PLEKHA7: variants seen among roughly 807,000 people sequenced by gnomAD.
The protein encoded by PLEKHA7 is pleckstrin homology domain containing A7, also known as pleckstrin homology domain-containing family A member 7.
PLEKHA7 carries 104 observed loss-of-function variants against 170.0 expected under a neutral mutation model. The ratio of observed to expected loss-of-function variants is 0.61; its 90% CI spans 0.52 to 0.72. The LOEUF (loss-of-function observed/expected upper bound fraction) is 0.72, where lower values mean the gene tolerates loss of function less well. PLEKHA7 is among the 30% of genes least tolerant of loss of function. The pLI, the probability that PLEKHA7 is intolerant of heterozygous loss-of-function variation, is 0.00. For synonymous variants in PLEKHA7, 648 were observed against 660.8 expected (o/e 0.98, Z 0.30); for missense variants, 1,615 against 1,671.7 (o/e 0.97, Z 0.59).
chr11:16,845,787 G>T (rs1453272692), intron 8 of PLEKHA7, among the ~76,000 whole-genome samples: 1 of 152,198 alleles, frequency 6.6e-6, no homozygotes, highest in African/African-American at 2.4e-5. Context: ...GATGGGTCAG[G>T]AGGCTACTAC....
At chr11:16,786,418 C>G in intron 23 of PLEKHA7, 31 bp from the exon 24 acceptor site, 1 of 1,534,854 alleles carries the variant, frequency 6.5e-7, no homozygotes, top group Non-Finnish European at 8.7e-7. Context: ...TAAACGTAGT[C>G]GCTTCCTGAT....
chr11:16,970,102 A>G (rs1862618886), intron 3 of PLEKHA7, among the ~76,000 whole-genome samples: 1 of 152,240 alleles, frequency 6.6e-6, no homozygotes, highest in Non-Finnish European at 1.5e-5. Flanking sequence ...ATGTGGGGAC[A>G]GAGGACAGAC....
In PLEKHA7 at chr11:16,978,166, A is replaced by C. The variant is rs564076733; in HGVS notation, c.221+35823T>G. Among the ~76,000 whole-genome samples, 18 of 152,340 alleles carry C rather than the reference A, an allele frequency of 1.2e-4. No individual in the cohort carries two copies. In the South Asian group the frequency reaches 3.7e-3, roughly 32 times the overall value. On this transcript the variant is annotated intron_variant, in intron 3 of 26. Transcript: ENST00000531066. The stretch of plus-strand genomic sequence containing the variant: ...TCTTTGTTAACACAACTTTAGTTTA[A>C]AAGCCTCTTTATGGGCCAGACACAG...
At chr11:16,937,712 G>A (rs1014050557) in intron 3 of PLEKHA7, among the ~76,000 whole-genome samples, 4 of 151,870 alleles carry the variant, frequency 2.6e-5, no homozygotes, top group Non-Finnish European at 4.4e-5. Flanking sequence ...AGGTTCAAGC[G>A]AGTCTCCTGC....
At chr11:16,805,595 G>T (rs765728417) in intron 13 of PLEKHA7, among the ~76,000 whole-genome samples, 2 of 151,838 alleles carry the variant, frequency 1.3e-5, no homozygotes, top group Admixed American at 6.6e-5. Flanking sequence ...TTCAAGATCA[G>T]TCTGGCCAAC....
intron 3 of PLEKHA7, among the ~76,000 whole-genome samples, chr11:16,991,202 G>C (rs571459625): frequency 1.4e-4 from 22 of 152,094 alleles, no homozygotes; most frequent in Middle Eastern, 3.4e-3. Flanking sequence ...CAGCTGATTG[G>C]CTTCTCAGGC....
In PLEKHA7 at chr11:16,789,381, G is replaced by A. The variant is rs57906025; in HGVS notation, c.3157-85C>T. The A allele has an allele frequency of 3.3e-3, 4,277 of 1,308,554 alleles. 118 individuals are homozygous for A. The African/African-American group carries it at 0.054, about 17-fold the overall frequency. 81.1% of individuals were successfully genotyped at this position (1,308,554 alleles called of 1,614,324 possible). ...CAGCCACCCTGCTGGCTGCATTCCC[G>A]TTGTCTCTCTCTCACACACATGCAC... is the stretch of plus-strand genomic sequence containing the variant. On this transcript the variant is annotated intron_variant, in intron 22 of 26. Coordinates refer to ENST00000531066, the MANE Select transcript of PLEKHA7 (RefSeq NM_001329630.2). The surrounding 1 kb of genome is among the most constrained non-coding windows in gnomAD (Gnocchi z 4.6).
chr11:16,906,557 G>A (rs1390866749), intron 3 of PLEKHA7, among the ~76,000 whole-genome samples: 2 of 138,668 alleles, frequency 1.4e-5, no homozygotes, highest in South Asian at 2.4e-4. Context: ...TCCTAACCGC[G>A]AGTGATCTGC....
chr11:17,014,192 G>T lies in PLEKHA7; in HGVS notation c.96C>A (p.Leu32=), dbSNP rs761442827. The T allele has an allele frequency of 1.3e-6, 2 of 1,591,550 alleles. No individual in the cohort carries two copies. Among genetic ancestry groups the T allele is most frequent in the African/African-American group, 1.4e-5 (1 of 72,634 alleles). ...DGRVFFINDQ[L]RCTTWLHPRT... ...GCGGATGCAGCCAGGTCGTGCAGCG[G>T]AGCTGGTCACTGCGGGCAGAGAGGT... is the stretch of plus-strand genomic sequence containing the variant. Residue 32 remains leucine, a synonymous_variant, in exon 2 of 27, where the codon CTC becomes CTA. Coordinates refer to ENST00000531066, the MANE Select transcript of PLEKHA7 (RefSeq NM_001329630.2).
In PLEKHA7 at chr11:16,867,982, C is replaced by T. The variant is rs1854523102; in HGVS notation, c.305+3117G>A. 2.0e-5 allele frequency among the ~76,000 whole-genome samples: 3 copies of T among 152,186 alleles called. No individual in the cohort carries two copies. In the South Asian group the frequency reaches 6.2e-4, roughly 31 times the overall value. ...TTTACTTCCCAAGTACCTCCAGAAT[C>T]CACCCAGTGCTCCTCATTTTTCACT... On this transcript the variant is annotated intron_variant, in intron 4 of 26. Transcript: ENST00000531066.
Position 16,789,073 on chromosome 11 carries a change from C to T in PLEKHA7, c.3357+23G>A, listed in dbSNP as rs114270875. The T allele has an allele frequency of 5.7e-4, 907 of 1,595,528 alleles. 5 individuals carry two copies. The African/African-American group carries it at 0.01, about 18-fold the overall frequency. On this transcript the variant is annotated intron_variant, in intron 23 of 26. Transcript: ENST00000531066. The surrounding 1 kb of genome is among the most constrained non-coding windows in gnomAD (Gnocchi z 4.6). ...CACTCGGCTCCCTGTCCCTGCCCCG[C>T]TGCCTGGCCCCTCCTAACATACTGA...
At chr11:16,968,589 CA>C (rs1862518543) in intron 3 of PLEKHA7, among the ~76,000 whole-genome samples, 1 of 152,224 alleles carries the variant, frequency 6.6e-6, no homozygotes. Context: ...CATGCCTGCA[CA>C]CCCTCCTTGA....
intron 5 of PLEKHA7, 184 bp downstream of exon 5, chr11:16,855,619 C>G: frequency 1.7e-6 from 1 of 596,900 alleles, no homozygotes; most frequent in Non-Finnish European, 3.0e-6. Flanking sequence ...CAGCAATCAC[C>G]TGTTCTGCTG....
chr11:16,794,761 C>G, intron 18 of PLEKHA7, 47 bp from the exon 19 acceptor site: 1 of 1,589,422 alleles, frequency 6.3e-7, no homozygotes, highest in Admixed American at 1.7e-5. Flanking sequence ...ACAAAGACCC[C>G]CTTCCTTGGA....
intron 11 of PLEKHA7, 31 bp from the exon 12 acceptor site, chr11:16,816,295 G>T: frequency 6.4e-7 from 1 of 1,556,582 alleles, no homozygotes; most frequent in South Asian, 1.1e-5. Context: ...AGTCACACTG[G>T]AGCCCAAACC....
At chr11:16,905,464 A>G (rs1262339376) in intron 3 of PLEKHA7, among the ~76,000 whole-genome samples, 1 of 152,094 alleles carries the variant, frequency 6.6e-6, no homozygotes, top group Non-Finnish European at 1.5e-5. Context: ...ATGATAACCC[A>G]AACTGTATAT....
At chr11:16,870,805 A>C (rs973303922) in intron 4 of PLEKHA7, among the ~76,000 whole-genome samples, 1 of 152,192 alleles carries the variant, frequency 6.6e-6, no homozygotes, top group African/African-American at 2.4e-5. Flanking sequence ...CTAATGTGCC[A>C]GAAGATATAG....
intron 3 of PLEKHA7, among the ~76,000 whole-genome samples, chr11:16,997,330 T>C (rs10832713): frequency 0.61 from 92,552 of 152,048 alleles, 28,871 homozygotes; most frequent in East Asian, 0.96. Flanking sequence ...CAGGAAAGCA[T>C]TAGAGTGAGG....
chr11:16,841,584 G>A lies in PLEKHA7; in HGVS notation c.835C>T (p.Gln279Ter). 1 of 1,613,932 alleles carries A rather than the reference G, an allele frequency of 6.2e-7. No homozygotes were observed. Among genetic ancestry groups the A allele is most frequent in the South Asian group, 1.1e-5 (1 of 91,066 alleles). ...DMNAWVRAMN[Q>*]AAQVLSRSSL... ...GATCGAGACAGCACCTGTGCAGCCT[G>A]GTTCATGGCCCTGACCCAAGCGTTC... is the stretch of plus-strand genomic sequence containing the variant. The change falls in exon 9 of 27, where the codon CAG (glutamine) becomes TAG (stop). Residue 279 changes from glutamine to a stop codon, truncating the protein, a stop_gained. Coordinates refer to ENST00000531066, the MANE Select transcript of PLEKHA7 (RefSeq NM_001329630.2). LOFTEE classifies it high-confidence loss of function.
Sources: allele counts gnomAD v4.1 joint callset (sites outside exome capture counted in the v4.1 genomes callset), GRCh38; gene constraint gnomAD v4.1.1; non-coding constraint Gnocchi (gnomAD v3.1); transcripts MANE v1.5; gene names NCBI Gene and HGNC (gene_info 2026-07-23, HGNC 2026-07-21).